Variants in NDE1 observed in about 807,000 individuals in gnomAD.
NDE1 encodes the protein nuclear distribution protein nudE homolog 1.
A neutral mutation model predicts 43.4 loss-of-function variants in NDE1; 28 were observed. The observed-to-expected ratio is 0.65, with a 90% CI of 0.48 to 0.89. The LOEUF is 0.89. Ranked by LOEUF, NDE1 falls within the 40% of genes least tolerant of loss-of-function variation. The pLI, the probability that NDE1 is intolerant of heterozygous loss-of-function variation, is 0.00. For missense variants in NDE1, 441 were observed against 434.1 expected, an observed-to-expected ratio of 1.02 and a Z score of -0.14; for synonymous variants, 184 against 172.0, an observed-to-expected ratio of 1.07 and a Z score of -0.55.
intron 8 of NDE1, among the ~76,000 whole-genome samples, chr16:15,716,612 G>A (rs1397868046): frequency 6.6e-6 from 1 of 152,090 alleles, no homozygotes; most frequent in Non-Finnish European, 1.5e-5. Flanking sequence ...ACCTCCACGT[G>A]TCACGTTGGA....
chr16:15,719,862 G>A lies in NDE1; in HGVS notation c.948-4329G>A, dbSNP rs1051829320. 1.7e-5 allele frequency: 21 copies of A among 1,206,574 alleles called. No homozygotes were observed. The African/African-American group carries it at 2.7e-4, about 16-fold the overall frequency. The allele number at this position is 1,206,574 out of a possible 1,614,324, so 74.7% of individuals were successfully genotyped here. ...GCACGAGCATGGCTCTCAGTTCCAG[G>A]TGGCTGGTGGTGCGCTGGGAGCACC... On this transcript the variant is annotated intron_variant, in intron 8 of 8. Coordinates refer to ENST00000396354, the MANE Select transcript of NDE1 (RefSeq NM_017668.3).
intron 1 of NDE1, among the ~76,000 whole-genome samples, chr16:15,664,388 G>A (rs562549813): frequency 5.3e-5 from 8 of 151,966 alleles, no homozygotes; most frequent in African/African-American, 1.9e-4. Flanking sequence ...ACAGAGTCTC[G>A]GTCTGTCACT....
chr16:15,691,146 T>G lies in NDE1; in HGVS notation c.526T>G (p.Leu176Val). ...VQRLKDEARDLRQELAVQQKQ... is the reference protein window; with the variant it reads ...VQRLKDEARDVRQELAVQQKQ... ...CCTGAATCCTTTTTCTGGCACAGAT[T>G]TGCGGCAGGAACTGGCCGTGCAGCA... is the stretch of plus-strand genomic sequence containing the variant. Residue 176 changes from leucine to valine, a missense_variant and splice_region_variant, in exon 6 of 9, where the codon TTG (leucine) becomes GTG (valine). Transcript: ENST00000396354. 1.2e-6 allele frequency: 2 copies of G among 1,614,024 alleles called. No individual in the cohort carries two copies. The highest frequency in any genetic ancestry group is 1.1e-5 in the South Asian group (1 of 91,088).
At chr16:15,648,232 C>T (rs1165614536), upstream of NDE1, among the ~76,000 whole-genome samples, 1 of 151,946 alleles carries the variant, frequency 6.6e-6, no homozygotes, top group African/African-American at 2.4e-5. Flanking sequence ...AATTATACTC[C>T]TTTAGTTATT....
intron 8 of NDE1, among the ~76,000 whole-genome samples, chr16:15,712,309 T>G (rs1350797364): frequency 6.6e-6 from 1 of 152,104 alleles, no homozygotes; most frequent in East Asian, 1.9e-4. Context: ...CATGGAATTC[T>G]AAAGCGCCAA....
exon 1 of NDE1, chr16:15,643,797 A>G (rs1010119526): frequency 6.4e-6 from 1 of 156,410 alleles, no homozygotes; most frequent in African/African-American, 2.4e-5. Context: ...GGACATTGCC[A>G]CCAAGAATCA....
chr16:15,679,547 G>A (rs1344704434), intron 4 of NDE1, among the ~76,000 whole-genome samples: 1 of 152,036 alleles, frequency 6.6e-6, no homozygotes, highest in Admixed American at 6.6e-5. Flanking sequence ...TCAATATATT[G>A]TATTTTTAGA....
intron 1 of NDE1, among the ~76,000 whole-genome samples, chr16:15,660,917 T>C (rs1285702660): frequency 6.6e-6 from 1 of 152,166 alleles, no homozygotes; most frequent in African/African-American, 2.4e-5. Flanking sequence ...CTTTCCAATA[T>C]TGGCATTCTT....
chr16:15,696,957 A>C (rs2039046742), intron 8 of NDE1, 97 bp downstream of exon 8: 1 of 1,555,492 alleles, frequency 6.4e-7, no homozygotes, highest in Admixed American at 1.9e-5. Context: ...TGTCTTTTTA[A>C]ATTATAGGAT....
At position 15,667,135 on chromosome 16, in the gene NDE1, A is replaced by G. The variant is rs1301512341; in HGVS notation, c.84-151A>G. ...GTGCCGCATGCCTGTAGTCCCAGCTACTCGGGAGACTGAGGCAGGAGAATC... is the reference window on the plus strand; with the variant it reads ...GTGCCGCATGCCTGTAGTCCCAGCTGCTCGGGAGACTGAGGCAGGAGAATC... On this transcript the variant is annotated intron_variant, in intron 2 of 8. Transcript: ENST00000396354. The G allele has an allele frequency of 6.8e-6, 6 of 881,850 alleles. No homozygotes were observed. The Admixed American group carries it at 9.3e-5, about 14-fold the overall frequency. 54.6% of individuals were successfully genotyped at this position (881,850 alleles called of 1,614,324 possible).
At chr16:15,715,339 C>T (rs1026757742) in intron 8 of NDE1, 3 of 1,501,720 alleles carry the variant, frequency 2.0e-6, no homozygotes, top group Middle Eastern at 1.9e-4. Flanking sequence ...GGTGTGTCAC[C>T]TGGAGGTGGC....
intron 8 of NDE1, chr16:15,708,880 A>C (rs959995310): frequency 1.3e-6 from 2 of 1,595,856 alleles, no homozygotes; most frequent in African/African-American, 2.7e-5. Context: ...TACCATCAGC[A>C]AACAAGAAGG....
chr16:15,650,499 G>C (rs943633072), intron 1 of NDE1, among the ~76,000 whole-genome samples: 3 of 152,360 alleles, frequency 2.0e-5, no homozygotes, highest in Admixed American at 2.0e-4. Flanking sequence ...CCTCCCTGGA[G>C]CCTCCCGTCC....
At chr16:15,720,695 T>C in intron 8 of NDE1, 1 of 917,922 alleles carries the variant, frequency 1.1e-6, no homozygotes, top group South Asian at 1.4e-5. Flanking sequence ...ATTACGCCAC[T>C]GCACTCCAGC....
At chr16:15,648,527 C>T (rs1471251186), upstream of NDE1, among the ~76,000 whole-genome samples, 2 of 152,300 alleles carry the variant, frequency 1.3e-5, no homozygotes, top group African/African-American at 4.8e-5. Flanking sequence ...GCAACCTCTG[C>T]CTTCTGAGTT....
At chr16:15,720,725 T>C in intron 8 of NDE1, 1 of 1,125,766 alleles carries the variant, frequency 8.9e-7, no homozygotes, top group Non-Finnish European at 1.3e-6. Flanking sequence ...AGAGCGAGAC[T>C]CTGTTTCAAA....
At chr16:15,714,862 T>C (rs1244208202) in intron 8 of NDE1, 1 of 1,610,104 alleles carries the variant, frequency 6.2e-7, no homozygotes, top group South Asian at 1.1e-5. Flanking sequence ...CCCAGTGCTT[T>C]TCTCTGGCCT....
At chr16:15,667,901 C>G (rs1468832382) in intron 3 of NDE1, among the ~76,000 whole-genome samples, 1 of 151,656 alleles carries the variant, frequency 6.6e-6, no homozygotes, top group African/African-American at 2.4e-5. Context: ...AGAAGCAAGT[C>G]ACACACATGT....
upstream of NDE1, among the ~76,000 whole-genome samples, chr16:15,646,407 C>T (rs571421666): frequency 6.6e-6 from 1 of 152,034 alleles, no homozygotes; most frequent in African/African-American, 2.4e-5. Flanking sequence ...CATGGTGAAA[C>T]CCTGTGTCTA....
Sources: allele counts gnomAD v4.1 joint callset (sites outside exome capture counted in the v4.1 genomes callset), GRCh38; gene constraint gnomAD v4.1.1; transcripts MANE v1.5; gene names NCBI Gene and HGNC (gene_info 2026-07-23, HGNC 2026-07-21).